SGMS1: variants seen among roughly 807,000 people sequenced by gnomAD.
SGMS1 encodes phosphatidylcholine:ceramide cholinephosphotransferase 1.
Under a neutral mutation model 46.2 loss-of-function variants are expected in SGMS1, and 13 were observed. The observed-to-expected ratio is 0.28, with a 90% CI of 0.18 to 0.45. The LOEUF (loss-of-function observed/expected upper bound fraction) is 0.45, where lower values mean the gene tolerates loss of function less well. SGMS1 is among the 20% of genes least tolerant of loss of function. The probability of loss-of-function intolerance (pLI) is 1.00; values close to 1 mark genes in which losing one functional copy is unlikely to be tolerated. For synonymous variants in SGMS1, 203 were observed against 187.8 expected (o/e 1.08, Z -0.66); for missense variants, 324 against 519.9 (o/e 0.62, Z 3.66).
chr10:50,324,113 A>G (rs972505420), intron 8 of SGMS1, among the ~76,000 whole-genome samples: 1 of 152,090 alleles, frequency 6.6e-6, no homozygotes, highest in African/African-American at 2.4e-5. Context: ...AGTGCGTTAC[A>G]CCCACAGAGC....
chr10:50,377,496 G>A (rs775591232), intron 6 of SGMS1, among the ~76,000 whole-genome samples: 39 of 152,170 alleles, frequency 2.6e-4, no homozygotes, highest in Non-Finnish European at 4.7e-4. Flanking sequence ...GATGGAAGAT[G>A]TTTTCATCAT....
At chr10:50,504,673 C>T (rs1218697512) in intron 3 of SGMS1, among the ~76,000 whole-genome samples, 3 of 151,998 alleles carry the variant, frequency 2.0e-5, no homozygotes, top group Non-Finnish European at 4.4e-5. Flanking sequence ...ATATACACAG[C>T]CTCCTATACA....
intron 8 of SGMS1, among the ~76,000 whole-genome samples, chr10:50,321,945 T>A (rs1031198042): frequency 2.0e-5 from 3 of 152,206 alleles, no homozygotes; most frequent in Non-Finnish European, 2.9e-5. Context: ...GGAGGTGGTT[T>A]CATCTTTCTA....
intron 1 of SGMS1, among the ~76,000 whole-genome samples, chr10:50,617,780 G>A (rs1325476348): frequency 6.6e-6 from 1 of 151,534 alleles, no homozygotes; most frequent in African/African-American, 2.4e-5. Context: ...TGACCAGGCT[G>A]TTCTCTGTTC....
chr10:50,322,227 T>A (rs1160822433), intron 8 of SGMS1, among the ~76,000 whole-genome samples: 3 of 152,188 alleles, frequency 2.0e-5, no homozygotes, highest in African/African-American at 7.2e-5. Context: ...TAATGTACTC[T>A]CTCTCTTCTC....
chr10:50,593,945 C>T (rs1490833383), intron 1 of SGMS1, among the ~76,000 whole-genome samples: 2 of 152,168 alleles, frequency 1.3e-5, no homozygotes, highest in African/African-American at 4.8e-5. Context: ...TACACACAGG[C>T]AAGAATTTCT....
intron 2 of SGMS1, among the ~76,000 whole-genome samples, chr10:50,582,541 C>T (rs1159204653): frequency 6.6e-6 from 1 of 152,168 alleles, no homozygotes; most frequent in African/African-American, 2.4e-5. Flanking sequence ...GCTTTGTCTC[C>T]TCTGAAACTC....
chr10:50,519,439 G>A (rs946968399), intron 3 of SGMS1, among the ~76,000 whole-genome samples: 3 of 152,130 alleles, frequency 2.0e-5, no homozygotes, highest in South Asian at 4.1e-4. Flanking sequence ...CAGATTAAGG[G>A]AAAAGGCATG....
intron 6 of SGMS1, among the ~76,000 whole-genome samples, chr10:50,380,491 C>T (rs1461861512): frequency 1.3e-5 from 2 of 152,098 alleles, no homozygotes; most frequent in Non-Finnish European, 2.9e-5. Context: ...GAGTATGTTC[C>T]TAGAAACCCA....
chr10:50,367,149 A>G (rs1399705912), intron 6 of SGMS1, among the ~76,000 whole-genome samples: 3 of 152,222 alleles, frequency 2.0e-5, no homozygotes, highest in Non-Finnish European at 4.4e-5. Context: ...ATAAATTCTC[A>G]TTAGCTGGGT....
At chr10:50,333,108 C>T (rs893965738) in intron 7 of SGMS1, among the ~76,000 whole-genome samples, 12 of 152,150 alleles carry the variant, frequency 7.9e-5, no homozygotes, top group African/African-American at 2.7e-4. Flanking sequence ...TTTGTTTCTA[C>T]TGTATGGTAT....
chr10:50,344,190 C>T lies in SGMS1; in HGVS notation c.-76G>A. The T allele has an allele frequency of 6.7e-7, 1 of 1,494,166 alleles. No homozygotes were observed. The highest frequency in any genetic ancestry group is 8.9e-7 in the Non-Finnish European group (1 of 1,125,674). 92.6% of individuals were successfully genotyped at this position (1,494,166 alleles called of 1,614,324 possible). A position where few individuals can be genotyped will look rare whatever the true frequency, so the allele number is the denominator to read the frequency against. Reference sequence around the variant, plus strand: ...GTCACTGTTCCGACAGGGCAGGACACTGTCCTGCCTCGGCTCGTTCATCCT... The same window carrying T: ...GTCACTGTTCCGACAGGGCAGGACATTGTCCTGCCTCGGCTCGTTCATCCT... On this transcript the variant is annotated 5_prime_UTR_variant, in exon 7 of 11. The change creates a new upstream start codon in the 5' untranslated region. Transcript: ENST00000361781.
intron 6 of SGMS1, among the ~76,000 whole-genome samples, chr10:50,431,394 G>C (rs1191661658): frequency 6.6e-6 from 1 of 152,190 alleles, no homozygotes; most frequent in Non-Finnish European, 1.5e-5. Flanking sequence ...AGGCATTTTT[G>C]TAAGGTTCAA....
chr10:50,570,916 C>CA (rs34765489), intron 2 of SGMS1, among the ~76,000 whole-genome samples: 43,906 of 152,110 alleles, frequency 0.29, 7,325 homozygotes, highest in East Asian at 0.64. Context: ...CCAGCCCGGT[C>CA]ATCAGACAAC....
chr10:50,450,858 TATC>T (rs971532483), intron 5 of SGMS1, among the ~76,000 whole-genome samples: 9 of 151,922 alleles, frequency 5.9e-5, no homozygotes, highest in Admixed American at 4.6e-4. Flanking sequence ...TTATTAAAAA[TATC>T]ATTGATATAA....
intron 1 of SGMS1, among the ~76,000 whole-genome samples, chr10:50,612,704 TTTG>T (rs370196874): frequency 4.6e-5 from 7 of 152,178 alleles, no homozygotes; most frequent in South Asian, 4.2e-4. Context: ...CACTTTGTTG[TTTG>T]TTGTTGTTGT....
intron 3 of SGMS1, among the ~76,000 whole-genome samples, chr10:50,486,443 A>C (rs953370575): frequency 1.3e-5 from 2 of 152,254 alleles, no homozygotes; most frequent in African/African-American, 4.8e-5. Context: ...ACCAGAGTCC[A>C]CAAGGAACTT....
At chr10:50,562,998 C>T (rs1423187799) in intron 2 of SGMS1, among the ~76,000 whole-genome samples, 1 of 152,180 alleles carries the variant, frequency 6.6e-6, no homozygotes, top group Non-Finnish European at 1.5e-5. Flanking sequence ...TCTAGCTCTT[C>T]CTGTAAAAAG....
At chr10:50,547,453 T>C (rs1362657090) in intron 2 of SGMS1, among the ~76,000 whole-genome samples, 1 of 152,102 alleles carries the variant, frequency 6.6e-6, no homozygotes, top group Admixed American at 6.6e-5. Flanking sequence ...AATAAATGGA[T>C]AAATTCCTAG....
Sources: gnomAD v4.1 joint callset for allele counts (sites outside exome capture counted in the v4.1 genomes callset) on GRCh38, gnomAD v4.1.1 for gene constraint, MANE v1.5 for transcripts, NCBI Gene and HGNC (gene_info 2026-07-23, HGNC 2026-07-21) for gene names.